The following OSBPL10 variants were observed in gnomAD, a reference collection of about 807,000 sequenced individuals.
OSBPL10 encodes oxysterol-binding protein-related protein 10.
OSBPL10 carries 49 observed loss-of-function variants against 81.7 expected under a neutral mutation model. The ratio of observed to expected loss-of-function variants is 0.60; its 90% confidence interval spans 0.48 to 0.76. The LOEUF (loss-of-function observed/expected upper bound fraction) is 0.76. Ranked by LOEUF, OSBPL10 falls within the 30% of genes least tolerant of loss-of-function variation. OSBPL10 has a pLI of 0.00. For synonymous variants in OSBPL10, 419 were observed against 383.6 expected (o/e 1.09, Z -1.08); for missense variants, 923 against 987.8 (o/e 0.93, Z 0.88).
intron 4 of OSBPL10, among the ~76,000 whole-genome samples, chr3:31,817,465 G>A (rs931610676): frequency 9.9e-5 from 15 of 152,160 alleles, no homozygotes; most frequent in African/African-American, 3.6e-4. Flanking sequence ...AACTCAGAAG[G>A]GGCAGGGTTC....
Position 31,929,107 on chromosome 3 carries a change from AG to A in OSBPL10, c.282-49278del, listed in dbSNP as rs537068725. ...ATGGTAGGTCATACATCATTGCCAT[AG>A]GCACTCTAAAGGCACCTGGTAATAC... On this transcript the variant is annotated intron_variant, in intron 1 of 11. Transcript: ENST00000396556. Among the ~76,000 whole-genome samples the A allele has an allele frequency of 1.8e-3, 273 of 152,334 alleles. 1 individual carries two copies. Among genetic ancestry groups the A allele is most frequent in the African/African-American group, 6.3e-3 (263 of 41,582 alleles).
intron 4 of OSBPL10, among the ~76,000 whole-genome samples, chr3:31,820,970 C>T (rs1699970299): frequency 1.3e-5 from 2 of 152,136 alleles, no homozygotes; most frequent in Non-Finnish European, 2.9e-5. Flanking sequence ...AAACCAAAAA[C>T]ACCTTTAGAT....
At chr3:32,076,446 C>T (rs1033565441) in intron 1 of OSBPL10, among the ~76,000 whole-genome samples, 2 of 152,070 alleles carry the variant, frequency 1.3e-5, no homozygotes, top group African/African-American at 2.4e-5. Flanking sequence ...GTGAAATAAA[C>T]AGCCTCGTTG....
At chr3:32,012,414 G>A (rs561647492) in intron 2 of OSBPL10, among the ~76,000 whole-genome samples, 1 of 152,256 alleles carries the variant, frequency 6.6e-6, no homozygotes, top group African/African-American at 2.4e-5. Context: ...TCACCACCAG[G>A]CCTGCCCTAC....
At chr3:31,911,353 T>TA (rs1389585871) in intron 1 of OSBPL10, among the ~76,000 whole-genome samples, 1 of 152,112 alleles carries the variant, frequency 6.6e-6, no homozygotes, top group Non-Finnish European at 1.5e-5. Context: ...ATGGTTAATC[T>TA]TAAAGCTACT....
At chr3:31,792,531 C>T (rs181377050) in intron 4 of OSBPL10, among the ~76,000 whole-genome samples, 94 of 152,124 alleles carry the variant, frequency 6.2e-4, no homozygotes, top group Non-Finnish European at 5.4e-4. Flanking sequence ...TTTGTTGCAG[C>T]GGGGCGGAGG....
intron 4 of OSBPL10, among the ~76,000 whole-genome samples, chr3:31,825,941 C>T (rs1700090235): frequency 2.6e-5 from 4 of 152,048 alleles, no homozygotes; most frequent in Admixed American, 1.3e-4. Context: ...CATACATGTC[C>T]ATGTAGTAAT....
intron 1 of OSBPL10, among the ~76,000 whole-genome samples, chr3:31,972,563 C>G (rs998016670): frequency 6.7e-6 from 1 of 149,582 alleles, no homozygotes; most frequent in Admixed American, 6.6e-5. Flanking sequence ...ACCTAATCTA[C>G]TCGATTGCCC....
intron 1 of OSBPL10, among the ~76,000 whole-genome samples, chr3:31,971,485 T>TAC (rs1698567366): frequency 6.6e-6 from 1 of 152,174 alleles, no homozygotes; most frequent in South Asian, 2.1e-4. Flanking sequence ...AAACCCTTTA[T>TAC]ACACAGCTTC....
chr3:31,710,753 T>G (rs1696227564), intron 6 of OSBPL10: 1 of 152,252 alleles, frequency 6.6e-6, no homozygotes, highest in African/African-American at 2.4e-5. Context: ...CCACAGCTAC[T>G]TGAGTTCTCC....
intron 3 of OSBPL10, among the ~76,000 whole-genome samples, chr3:31,849,663 T>C (rs1038517345): frequency 1.3e-5 from 2 of 152,146 alleles, no homozygotes; most frequent in Non-Finnish European, 2.9e-5. Context: ...TTATGACATA[T>C]GCATTCCACT....
intron 4 of OSBPL10, among the ~76,000 whole-genome samples, chr3:31,770,786 CA>C (rs937463433): frequency 1.3e-5 from 2 of 149,634 alleles, no homozygotes; most frequent in Non-Finnish European, 3.0e-5. Flanking sequence ...AACTCTGTCT[CA>C]AAAAAAAAGA....
At chr3:31,813,104 C>G (rs966667875) in intron 4 of OSBPL10, among the ~76,000 whole-genome samples, 1 of 152,102 alleles carries the variant, frequency 6.6e-6, no homozygotes, top group African/African-American at 2.4e-5. Flanking sequence ...CTTTGCAGAC[C>G]TATTTTAAGA....
chr3:31,751,171 A>G (rs944405469), intron 4 of OSBPL10, among the ~76,000 whole-genome samples: 2 of 151,816 alleles, frequency 1.3e-5, no homozygotes, highest in African/African-American at 4.8e-5. Context: ...CAAACAAACA[A>G]CAACAACAAA....
At position 31,812,782 on chromosome 3, in the gene OSBPL10, GAA is replaced by G. The variant is rs1302523009; in HGVS notation, c.729+17256_729+17257del. 8.2e-3 allele frequency among the ~76,000 whole-genome samples: 332 copies of G among 40,718 alleles called. 8 individuals carry two copies. Among genetic ancestry groups the G allele is most frequent in the African/African-American group, 0.013 (112 of 8,848 alleles). The allele number at this position is 40,718 out of a possible 152,430, so 26.7% of individuals were successfully genotyped here. A position where few individuals can be genotyped will look rare whatever the true frequency, so the allele number is the denominator to read the frequency against. On this transcript the variant is annotated intron_variant, in intron 4 of 11. Transcript: ENST00000396556. ...AGAAAGAAAGAAAGAAAGAAAGAAA[GAA>G]AGAAAGAAAGAAAGAAAGAAAGAAA... is the stretch of plus-strand genomic sequence containing the variant.
At chr3:31,817,355 A>T (rs1699863249) in intron 4 of OSBPL10, among the ~76,000 whole-genome samples, 1 of 152,220 alleles carries the variant, frequency 6.6e-6, no homozygotes, top group Non-Finnish European at 1.5e-5. Context: ...GAGAGAGGCC[A>T]GACAGCAGGA....
intron 4 of OSBPL10, among the ~76,000 whole-genome samples, chr3:31,785,947 T>C (rs887804328): frequency 6.6e-6 from 1 of 152,136 alleles, no homozygotes; most frequent in African/African-American, 2.4e-5. Context: ...TCCACCTCAA[T>C]TGCTCATCAC....
chr3:31,817,740 C>G (rs1699878384), intron 4 of OSBPL10, among the ~76,000 whole-genome samples: 1 of 152,134 alleles, frequency 6.6e-6, no homozygotes, highest in South Asian at 2.1e-4. Flanking sequence ...TGCAGCAGCA[C>G]CCGGGGAGCT....
intron 11 of OSBPL10, chr3:31,663,476 A>G: frequency 1.0e-6 from 1 of 991,104 alleles, no homozygotes; most frequent in African/African-American, 1.7e-5. Context: ...CAAGAGCATA[A>G]GGGCTTCAGC....
Sources: gnomAD v4.1 joint callset for allele counts (sites outside exome capture counted in the v4.1 genomes callset) on GRCh38, gnomAD v4.1.1 for gene constraint, MANE v1.5 for transcripts, NCBI Gene and HGNC (gene_info 2026-07-23, HGNC 2026-07-21) for gene names.